NBEAL1: variants seen among roughly 807,000 people sequenced by gnomAD.
NBEAL1 encodes neurobeachin-like protein 1.
Under a neutral mutation model 351.3 loss-of-function variants are expected in NBEAL1, and 273 were observed. The observed-to-expected ratio is 0.78, with a 90% CI of 0.70 to 0.86. The LOEUF (loss-of-function observed/expected upper bound fraction) is 0.86. NBEAL1 is among the 40% of genes least tolerant of loss of function. The pLI, the probability that NBEAL1 is intolerant of heterozygous loss-of-function variation, is 0.00. For missense variants in NBEAL1, 2,961 were observed against 3,201.3 expected, an observed-to-expected ratio of 0.92 and a Z score of 1.81; for synonymous variants, 1,050 against 1,086.4, an observed-to-expected ratio of 0.97 and a Z score of 0.66.
intron 2 of NBEAL1, among the ~76,000 whole-genome samples, chr2:203,021,767 CG>C (rs1433810464): frequency 6.6e-6 from 1 of 151,642 alleles, no homozygotes; most frequent in Non-Finnish European, 1.5e-5. Context: ...AGACATGTAT[CG>C]GCTGGGCACA....
chr2:203,054,079 C>T (rs1476531843), intron 4 of NBEAL1, among the ~76,000 whole-genome samples: 6 of 152,064 alleles, frequency 3.9e-5, no homozygotes, highest in Non-Finnish European at 1.5e-5. Context: ...GCCTCAGCCT[C>T]CTGAGTAGCT....
chr2:203,096,218 G>A (rs2062180420), intron 10 of NBEAL1, among the ~76,000 whole-genome samples: 1 of 152,194 alleles, frequency 6.6e-6, no homozygotes, highest in Non-Finnish European at 1.5e-5. Context: ...CAGACAGCCA[G>A]TAAGCTGCAG....
chr2:203,138,064 A>C (rs2063265310), intron 29 of NBEAL1, 98 bp from the exon 30 acceptor site: 1 of 1,062,528 alleles, frequency 9.4e-7, no homozygotes, highest in Non-Finnish European at 1.4e-6. Context: ...ATCTTTAGAG[A>C]TACAGTGCTG....
chr2:203,188,692 A>C, intron 45 of NBEAL1, 103 bp downstream of exon 45: 1 of 640,900 alleles, frequency 1.6e-6, no homozygotes, highest in South Asian at 3.2e-5. Context: ...GAAAGACTAC[A>C]TTTTAAAAAC....
intron 18 of NBEAL1, among the ~76,000 whole-genome samples, chr2:203,120,022 C>T (rs933613235): frequency 6.6e-6 from 1 of 151,978 alleles, no homozygotes; most frequent in Admixed American, 6.6e-5. Flanking sequence ...TATACCCTTA[C>T]AATACAAAGA....
At chr2:203,034,071 A>G (rs1264044868) in intron 2 of NBEAL1, among the ~76,000 whole-genome samples, 1 of 151,958 alleles carries the variant, frequency 6.6e-6, no homozygotes, top group Non-Finnish European at 1.5e-5. Flanking sequence ...CTCTTGAACA[A>G]TGAGCACTTT....
chr2:203,132,649 C>G (rs2063100533), intron 26 of NBEAL1, among the ~76,000 whole-genome samples: 1 of 152,084 alleles, frequency 6.6e-6, no homozygotes, highest in African/African-American at 2.4e-5. Flanking sequence ...GAACTACAGG[C>G]ATGTTTCACC....
chr2:203,127,684 T>C (rs905433044), intron 23 of NBEAL1, 97 bp from the exon 24 acceptor site: 1 of 678,000 alleles, frequency 1.5e-6, no homozygotes, highest in African/African-American at 1.8e-5. Context: ...ATTGTACCAC[T>C]GCACTCCAGC....
At chr2:203,040,485 G>C (rs2061122915) in intron 2 of NBEAL1, 2 of 690,810 alleles carry the variant, frequency 2.9e-6, no homozygotes, top group Non-Finnish European at 2.7e-6. Flanking sequence ...TCAACCCCCA[G>C]AACCTAAAAA....
At chr2:203,214,830 C>A (rs2065871346) in intron 55 of NBEAL1, among the ~76,000 whole-genome samples, 1 of 152,148 alleles carries the variant, frequency 6.6e-6, no homozygotes, top group Non-Finnish European at 1.5e-5. Flanking sequence ...ATTTCTATTT[C>A]AAGATCTATT....
chr2:203,120,520 A>G (rs1414160631), intron 18 of NBEAL1, among the ~76,000 whole-genome samples: 1 of 152,144 alleles, frequency 6.6e-6, no homozygotes, highest in African/African-American at 2.4e-5. Flanking sequence ...TTGAGCAGGG[A>G]TGCATGGTAA....
chr2:203,135,690 T>C lies in NBEAL1; in HGVS notation c.3827T>C (p.Leu1276Ser). 1.3e-6 allele frequency: 2 copies of C among 1,495,636 alleles called. No individual in the cohort carries two copies. Among genetic ancestry groups the C allele is most frequent in the Non-Finnish European group, 1.8e-6 (2 of 1,120,978 alleles). The allele number at this position is 1,495,636 out of a possible 1,614,324, so 92.6% of individuals were successfully genotyped here. The change falls in exon 28 of 56, where the codon TTG (leucine) becomes TCG (serine). Residue 1276 changes from leucine to serine, a missense_variant. Leu to Ser is a moderately radical substitution (Grantham distance 145). Coordinates refer to ENST00000683969, the MANE Select transcript of NBEAL1 (RefSeq NM_001378026.1). ...ATCTTTTTACAGGTTTTGCAAATTT[T>C]GCAGTTCCAGCCAGATGCAGCACAT... ...VAICRKVLQILQFQPDAAHQI... is the reference protein window; with the variant it reads ...VAICRKVLQISQFQPDAAHQI...
Position 203,083,244 on chromosome 2 carries a change from C to A in NBEAL1, c.710C>A (p.Pro237Gln). Residue 237 changes from proline to glutamine, a missense_variant, in exon 9 of 56, where the codon CCA becomes CAA. Physicochemically the swap from Pro to Gln is moderately conservative, Grantham distance 76. Transcript: ENST00000683969. ...GQRNALQAIS[P>Q]ATMEVLMRVL... ...AGGAATGCTTTGCAAGCAATTTCTC[C>A]AGCCACTATGGAAGTTCTTATGCGA... 6.4e-7 allele frequency: 1 copy of A among 1,551,278 alleles called. No individual in the cohort carries two copies. Among genetic ancestry groups the A allele is most frequent in the Non-Finnish European group, 8.7e-7 (1 of 1,146,712 alleles).
At chr2:203,172,349 C>T (rs1254300785) in intron 40 of NBEAL1, among the ~76,000 whole-genome samples, 7 of 151,846 alleles carry the variant, frequency 4.6e-5, no homozygotes, top group African/African-American at 1.2e-4. Flanking sequence ...GGTGAAACCC[C>T]GTCTCTACTA....
At chr2:203,068,306 T>G in intron 6 of NBEAL1, 87 bp from the exon 7 acceptor site, 1 of 609,984 alleles carries the variant, frequency 1.6e-6, no homozygotes, top group Non-Finnish European at 2.8e-6. Flanking sequence ...AAAAGTAATA[T>G]TAAATTTGTT....
intron 46 of NBEAL1, among the ~76,000 whole-genome samples, chr2:203,192,706 A>T (rs2065125390): frequency 6.6e-6 from 1 of 152,136 alleles, no homozygotes; most frequent in African/African-American, 2.4e-5. Context: ...ATATTTTAGT[A>T]CTTACAGCTT....
chr2:203,078,190 T>G (rs954096993), intron 8 of NBEAL1, among the ~76,000 whole-genome samples: 1 of 152,218 alleles, frequency 6.6e-6, no homozygotes, highest in Non-Finnish European at 1.5e-5. Context: ...AGACATGAAT[T>G]TATTCACTCT....
Position 203,188,792 on chromosome 2 carries a change from A to C in NBEAL1, c.6823+203A>C, listed in dbSNP as rs141592609. Reference sequence around the variant, plus strand: ...GCCAATCTAATTATAAATGTCACTTATTAACATCATAAAAGTTTTTGATCT... The same window carrying C: ...GCCAATCTAATTATAAATGTCACTTCTTAACATCATAAAAGTTTTTGATCT... On this transcript the variant is annotated intron_variant, in intron 45 of 55. Coordinates refer to ENST00000683969, the MANE Select transcript of NBEAL1 (RefSeq NM_001378026.1). Among the ~76,000 whole-genome samples, 68 of 152,342 alleles carry C rather than the reference A, an allele frequency of 4.5e-4. 1 individual carries two copies. Among genetic ancestry groups the C allele is most frequent in the Middle Eastern group, 3.4e-3 (1 of 294 alleles).
At chr2:203,151,643 G>T (rs1392124038) in intron 35 of NBEAL1, 54 bp downstream of exon 35, 1 of 1,487,512 alleles carries the variant, frequency 6.7e-7, no homozygotes, top group Non-Finnish European at 9.0e-7. Context: ...AGTGTTCGTG[G>T]GGTTGACGAT....
Sources: gnomAD v4.1 joint callset for allele counts (sites outside exome capture counted in the v4.1 genomes callset) on GRCh38, gnomAD v4.1.1 for gene constraint, MANE v1.5 for transcripts, NCBI Gene and HGNC (gene_info 2026-07-23, HGNC 2026-07-21) for gene names.